LAMA3: variants seen among roughly 807,000 people sequenced by gnomAD.
The protein encoded by LAMA3 is laminin subunit alpha 3, also known as laminin subunit alpha-3.
LAMA3 carries 281 observed loss-of-function variants against 402.0 expected under a neutral mutation model. The observed-to-expected ratio is 0.70, with a 90% confidence interval of 0.63 to 0.77. The LOEUF (loss-of-function observed/expected upper bound fraction) is 0.77. Ranked by LOEUF, LAMA3 falls within the 30% of genes least tolerant of loss-of-function variation. The probability of loss-of-function intolerance (pLI) is 0.00; values close to 1 mark genes in which losing one functional copy is unlikely to be tolerated. For missense variants in LAMA3, 3,840 were observed against 4,215.5 expected (o/e 0.91, Z 2.47); for synonymous variants, 1,431 against 1,558.4 (o/e 0.92, Z 1.93).
At chr18:23,781,260 A>T (rs1182212064) in intron 11 of LAMA3, 4 of 455,874 alleles carry the variant, frequency 8.8e-6, no homozygotes, top group African/African-American at 6.0e-5. Context: ...GGGCTGTGGC[A>T]TTAGGACCTT....
At chr18:23,873,010 G>T in intron 38 of LAMA3, 1 of 1,613,746 alleles carries the variant, frequency 6.2e-7, no homozygotes, top group South Asian at 1.1e-5. Flanking sequence ...AGAGGCAGAG[G>T]TTCCTGCGCA....
chr18:23,895,007 A>C lies in LAMA3; in HGVS notation c.5562A>C (p.Ala1854=), dbSNP rs771807746. Residue 1854 remains alanine, a synonymous_variant, in exon 44 of 75, where the codon GCA becomes GCC. Transcript: ENST00000313654. ...KSQLQGLSAS[A]GLLEQMRHME... The stretch of plus-strand genomic sequence containing the variant: ...AGCTGCAGGGCCTGAGTGCCAGCGC[A>C]GGGCTTCTGGAGCAGATGAGGCACA... The C allele has an allele frequency of 6.2e-6, 10 of 1,612,672 alleles. No homozygotes were observed. The highest frequency in any genetic ancestry group is 8.5e-6 in the Non-Finnish European group (10 of 1,179,332).
At chr18:23,941,328 C>CCG (rs1555750082) in intron 68 of LAMA3, among the ~76,000 whole-genome samples, 1 of 119,676 alleles carries the variant, frequency 8.4e-6, no homozygotes, top group African/African-American at 3.3e-5. Flanking sequence ...AGCTTGGCGC[C>CCG]CCCCCCCCGC....
At chr18:23,907,089 T>G (rs12969388) in intron 52 of LAMA3, among the ~76,000 whole-genome samples, 71,751 of 152,130 alleles carry the variant, frequency 0.47, 18,952 homozygotes, top group Non-Finnish European at 0.61. Flanking sequence ...TTTCTTGTCC[T>G]CTGATGGAAG....
At chr18:23,859,795 A>G (rs2144727667) in intron 34 of LAMA3, among the ~76,000 whole-genome samples, 1 of 152,276 alleles carries the variant, frequency 6.6e-6, no homozygotes, top group Non-Finnish European at 1.5e-5. Context: ...TTAAATCATT[A>G]GCTATTGATA....
chr18:23,784,323 C>T (rs1335851264), intron 12 of LAMA3, among the ~76,000 whole-genome samples, 166 bp downstream of exon 12: 1 of 152,168 alleles, frequency 6.6e-6, no homozygotes, highest in Non-Finnish European at 1.5e-5. Flanking sequence ...GACCTTGTCA[C>T]TTCCCTTCTT....
chr18:23,735,805 C>T (rs1004335838), intron 2 of LAMA3, among the ~76,000 whole-genome samples: 1 of 152,116 alleles, frequency 6.6e-6, no homozygotes, highest in African/African-American at 2.4e-5. Context: ...TGGGCATGCA[C>T]AGCTCTGCCT....
chr18:23,883,189 A>G (rs577069194), intron 40 of LAMA3, among the ~76,000 whole-genome samples: 1 of 152,316 alleles, frequency 6.6e-6, no homozygotes, highest in African/African-American at 2.4e-5. Context: ...GCTGTGGTCA[A>G]GCATCTGGAT....
intron 59 of LAMA3, among the ~76,000 whole-genome samples, chr18:23,916,122 A>G (rs1237311703): frequency 6.6e-6 from 1 of 151,974 alleles, no homozygotes; most frequent in East Asian, 1.9e-4. Flanking sequence ...TTCCACCTCA[A>G]TCTTTTTGAA....
At chr18:23,924,921 C>T (rs1369350154) in intron 62 of LAMA3, among the ~76,000 whole-genome samples, 6 of 152,086 alleles carry the variant, frequency 3.9e-5, no homozygotes, top group Non-Finnish European at 8.8e-5. Context: ...TTTCACTGGC[C>T]CTTCACTCCC....
chr18:23,722,169 G>C (rs1382562938), intron 2 of LAMA3, among the ~76,000 whole-genome samples: 5 of 152,126 alleles, frequency 3.3e-5, no homozygotes, highest in Non-Finnish European at 7.3e-5. Flanking sequence ...ATGTTCCCTG[G>C]TTCTGGGCCT....
At chr18:23,699,601 C>G (rs2060754454) in intron 1 of LAMA3, among the ~76,000 whole-genome samples, 1 of 152,152 alleles carries the variant, frequency 6.6e-6, no homozygotes, top group South Asian at 2.1e-4. Flanking sequence ...TTTCATAAAT[C>G]TAGGCTAAGA....
At chr18:23,814,785 G>A (rs1407134665) in intron 15 of LAMA3, among the ~76,000 whole-genome samples, 1 of 152,184 alleles carries the variant, frequency 6.6e-6, no homozygotes, top group East Asian at 1.9e-4. Context: ...TACTTTTTCT[G>A]GTTTAATTTT....
chr18:23,858,160 G>A (rs2064129329), intron 33 of LAMA3, among the ~76,000 whole-genome samples, 172 bp downstream of exon 33: 1 of 152,214 alleles, frequency 6.6e-6, no homozygotes, highest in Non-Finnish European at 1.5e-5. Flanking sequence ...GTTAGGAGGT[G>A]AGACCCCTTT....
intron 1 of LAMA3, among the ~76,000 whole-genome samples, chr18:23,708,852 C>T (rs1457127811): frequency 1.3e-5 from 2 of 151,500 alleles, no homozygotes; most frequent in Non-Finnish European, 2.9e-5. Context: ...GCCTCAAGCT[C>T]CTGGGCTCAA....
intron 38 of LAMA3, among the ~76,000 whole-genome samples, chr18:23,871,958 A>G (rs1598966495): frequency 6.6e-6 from 1 of 152,214 alleles, no homozygotes; most frequent in Non-Finnish European, 1.5e-5. Context: ...GAAGGAGGAT[A>G]TTGACTATTC....
intron 22 of LAMA3, 88 bp from the exon 23 acceptor site, chr18:23,827,226 A>G (rs2063400550): frequency 7.5e-7 from 1 of 1,330,208 alleles, no homozygotes; most frequent in Non-Finnish European, 1.1e-6. Flanking sequence ...GAACTGAATG[A>G]CTGAGAGTCT....
intron 62 of LAMA3, 112 bp downstream of exon 62, chr18:23,921,697 G>A: frequency 9.2e-7 from 1 of 1,087,890 alleles, no homozygotes; most frequent in South Asian, 1.3e-5. Flanking sequence ...AACACAAAAA[G>A]TTAACTTTTC....
At position 23,748,008 on chromosome 18, in the gene LAMA3, G is replaced by C; in HGVS notation, c.513G>C (p.Leu171Phe). 7 of 1,613,698 alleles carry C rather than the reference G, an allele frequency of 4.3e-6. No homozygotes were observed. Among genetic ancestry groups the C allele is most frequent in the Non-Finnish European group, 5.9e-6 (7 of 1,179,630 alleles). Residue 171 changes from leucine to phenylalanine, a missense_variant, in exon 3 of 75, where the codon TTG becomes TTC. Physicochemically the swap from Leu to Phe is conservative, Grantham distance 22. Around this residue, in one of 3 missense-constraint regions of LAMA3, gnomAD observed 2,109 missense variants for 2,376.0 expected, o/e 0.89. Transcript: ENST00000313654. ...ANSPRPDLWV[L>F]ERSVDFGSTY... ...CTCCTCGCCCTGATCTTTGGGTCTT[G>C]GAAAGATCTGTAGACTTTGGAAGCA...
Sources: allele counts gnomAD v4.1 joint callset (sites outside exome capture counted in the v4.1 genomes callset), GRCh38; gene constraint gnomAD v4.1.1; regional missense constraint gnomAD v4.1.1; transcripts MANE v1.5; gene names NCBI Gene and HGNC (gene_info 2026-07-23, HGNC 2026-07-21).